The following CRISPLD2 variants were observed in gnomAD, a reference collection of about 807,000 sequenced individuals.
CRISPLD2 encodes cysteine rich secretory protein LCCL domain containing 2, also known as cysteine-rich secretory protein LCCL domain-containing 2.
In CRISPLD2, 47 loss-of-function variants were observed where a neutral mutation model predicts 71.1. The ratio of observed to expected loss-of-function variants is 0.66; its 90% CI spans 0.52 to 0.84. The LOEUF (loss-of-function observed/expected upper bound fraction) is 0.84. CRISPLD2 is among the 40% of genes least tolerant of loss of function. CRISPLD2 has a pLI of 0.00. For synonymous variants in CRISPLD2, 317 were observed against 250.1 expected, an observed-to-expected ratio of 1.27 and a Z score of -2.52; for missense variants, 830 against 651.1, an observed-to-expected ratio of 1.27 and a Z score of -2.99.
At chr16:84,838,292 C>G in intron 1 of CRISPLD2, 130 bp from the exon 2 acceptor site, 1 of 625,586 alleles carries the variant, frequency 1.6e-6, no homozygotes, top group Non-Finnish European at 2.8e-6. Flanking sequence ...GCTTGTTTAG[C>G]TTCTGTGGGC....
At chr16:84,892,858 G>C (rs1033082064) in intron 14 of CRISPLD2, among the ~76,000 whole-genome samples, 18 of 151,094 alleles carry the variant, frequency 1.2e-4, no homozygotes, top group African/African-American at 4.1e-4. Flanking sequence ...CGCCTGTAAT[G>C]CCAGCTACTC....
intron 2 of CRISPLD2, among the ~76,000 whole-genome samples, chr16:84,841,103 G>A (rs1255684144): frequency 6.6e-6 from 1 of 152,202 alleles, no homozygotes; most frequent in Non-Finnish European, 1.5e-5. Context: ...GAAGAGGCAT[G>A]ATTATGAGTT....
chr16:84,850,829 G>T (rs116235539), intron 5 of CRISPLD2, 146 bp downstream of exon 5: 34 of 652,266 alleles, frequency 5.2e-5, no homozygotes, highest in Non-Finnish European at 8.0e-5. Flanking sequence ...CTGGGTTAGC[G>T]TAATAGCTAA....
At chr16:84,899,299 C>T (rs1356524577) in intron 14 of CRISPLD2, among the ~76,000 whole-genome samples, 1 of 152,162 alleles carries the variant, frequency 6.6e-6, no homozygotes, top group East Asian at 1.9e-4. Context: ...CCCAGAAATA[C>T]TGCAGCAATT....
rs757875800 is a variant in CRISPLD2 at position 84,838,553 on chromosome 16, T to C, written c.58T>C (p.Ser20Pro). ...GGGGCTGCTGTTCCTGGTCTGCGGATCCCAAGGCTACCTCCTGCCCAACGT... is the reference window on the plus strand; with the variant it reads ...GGGGCTGCTGTTCCTGGTCTGCGGACCCCAAGGCTACCTCCTGCCCAACGT... ...PLGLLFLVCG[S>P]QGYLLPNVTL... is the part of the protein sequence containing the mutation. Residue 20 changes from serine to proline, a missense_variant, in exon 2 of 15, where the codon TCC becomes CCC. Ser to Pro is a moderately conservative substitution (Grantham distance 74). Coordinates refer to ENST00000262424, the MANE Select transcript of CRISPLD2 (RefSeq NM_031476.4). 1 of 1,614,152 alleles carries C rather than the reference T, an allele frequency of 6.2e-7. No homozygotes were observed. Among genetic ancestry groups the C allele is most frequent in the South Asian group, 1.1e-5 (1 of 91,086 alleles).
chr16:84,832,289 C>G (rs1240890185), intron 1 of CRISPLD2, among the ~76,000 whole-genome samples: 1 of 152,254 alleles, frequency 6.6e-6, no homozygotes, highest in Non-Finnish European at 1.5e-5. Flanking sequence ...CAGACGTGAA[C>G]TCAAGAAGCT....
intron 5 of CRISPLD2, among the ~76,000 whole-genome samples, chr16:84,853,967 C>A (rs1917161367): frequency 6.6e-6 from 1 of 152,254 alleles, no homozygotes. Context: ...CCGCTCACCA[C>A]CTCTACCTGG....
chr16:84,828,936 G>A (rs568790493), intron 1 of CRISPLD2: 12 of 152,102 alleles, frequency 7.9e-5, no homozygotes, highest in East Asian at 1.9e-4. Context: ...TTAGCTGGAC[G>A]TGGTGGTGCG....
chr16:84,859,768 C>T (rs902249161), intron 6 of CRISPLD2, among the ~76,000 whole-genome samples: 1 of 152,240 alleles, frequency 6.6e-6, no homozygotes, highest in Non-Finnish European at 1.5e-5. Context: ...CCAGACTATT[C>T]TGATTGCTGC....
intron 3 of CRISPLD2, 53 bp downstream of exon 3, chr16:84,845,957 C>A (rs371070659): frequency 2.5e-6 from 3 of 1,199,880 alleles, no homozygotes; most frequent in East Asian, 2.4e-5. Flanking sequence ...TGCCGTGTGC[C>A]GGGCTCAGCA....
chr16:84,904,367 C>T (rs969073988), intron 14 of CRISPLD2, among the ~76,000 whole-genome samples: 4 of 152,014 alleles, frequency 2.6e-5, no homozygotes, highest in Admixed American at 6.6e-5. Context: ...GGGAGGATCA[C>T]GAAGTCAGGA....
intron 13 of CRISPLD2, among the ~76,000 whole-genome samples, chr16:84,887,981 A>G (rs1487566238): frequency 6.6e-6 from 1 of 152,222 alleles, no homozygotes; most frequent in Non-Finnish European, 1.5e-5. Context: ...ATTTTTGTGG[A>G]CAGTGGTTAG....
intron 2 of CRISPLD2, among the ~76,000 whole-genome samples, chr16:84,845,153 G>T (rs1478384025): frequency 6.6e-6 from 1 of 152,206 alleles, no homozygotes; most frequent in East Asian, 1.9e-4. Context: ...CTGGTTCTGT[G>T]ACTGGCTGTG....
In CRISPLD2 at chr16:84,880,855, C is replaced by G. The variant is rs2071562446; in HGVS notation, c.1305+271C>G. Reference sequence around the variant, plus strand: ...CAAGTAGCTGGGGTTACACAGTGCACCACCATGCCTGGCTAATTTTTGTAT... The same window carrying G: ...CAAGTAGCTGGGGTTACACAGTGCAGCACCATGCCTGGCTAATTTTTGTAT... On this transcript the variant is annotated intron_variant, in intron 13 of 14. Coordinates refer to ENST00000262424, the MANE Select transcript of CRISPLD2 (RefSeq NM_031476.4). The G allele has an allele frequency of 1.3e-5, 3 of 234,124 alleles. No individual in the cohort carries two copies. In the East Asian group the frequency reaches 2.5e-4, roughly 19 times the overall value. The allele number at this position is 234,124 out of a possible 1,614,324, so 14.5% of individuals were successfully genotyped here.
chr16:84,834,867 T>C (rs1184664978), intron 1 of CRISPLD2, among the ~76,000 whole-genome samples: 7 of 152,022 alleles, frequency 4.6e-5, no homozygotes, highest in African/African-American at 1.7e-4. Context: ...CCAGTCAGCT[T>C]GGTTAGGGCC....
chr16:84,873,846 A>G, intron 10 of CRISPLD2, 74 bp from the exon 11 acceptor site: 1 of 1,351,204 alleles, frequency 7.4e-7, no homozygotes. Flanking sequence ...GTATAGGAGC[A>G]AGCGTTCACT....
chr16:84,873,357 A>C (rs2071488705), intron 10 of CRISPLD2: 1 of 330,612 alleles, frequency 3.0e-6, no homozygotes, highest in Non-Finnish European at 5.6e-6. Flanking sequence ...AGGCACCTGT[A>C]ATCCCAGCTA....
intron 14 of CRISPLD2, among the ~76,000 whole-genome samples, chr16:84,898,774 A>G (rs2071728451): frequency 6.6e-6 from 1 of 152,196 alleles, no homozygotes; most frequent in African/African-American, 2.4e-5. Context: ...CACTGGTTGA[A>G]TGAGACTTTG....
At chr16:84,838,159 C>G (rs542740955) in intron 1 of CRISPLD2, among the ~76,000 whole-genome samples, 1 of 152,210 alleles carries the variant, frequency 6.6e-6, no homozygotes, top group South Asian at 2.1e-4. Flanking sequence ...GGGACTCGCT[C>G]AAGGAAAACT....
Sources: gnomAD v4.1 joint callset for allele counts (sites outside exome capture counted in the v4.1 genomes callset) on GRCh38, gnomAD v4.1.1 for gene constraint, MANE v1.5 for transcripts, NCBI Gene and HGNC (gene_info 2026-07-23, HGNC 2026-07-21) for gene names.